The following NDUFA12 variants were observed in gnomAD, a reference collection of about 807,000 sequenced individuals.
NDUFA12 encodes NADH dehydrogenase [ubiquinone] 1 alpha subcomplex subunit 12.
NDUFA12 carries 17 observed loss-of-function variants against 20.3 expected under a neutral mutation model. The observed-to-expected ratio is 0.84, with a 90% confidence interval of 0.57 to 1.26. The LOEUF (loss-of-function observed/expected upper bound fraction) is 1.26. Among genes scored for constraint, NDUFA12 ranks in the 50% most tolerant of loss-of-function variants. NDUFA12 has a pLI of 0.00. For missense variants in NDUFA12, 191 were observed against 183.7 expected, an observed-to-expected ratio of 1.04 and a Z score of -0.23; for synonymous variants, 72 against 63.6, an observed-to-expected ratio of 1.13 and a Z score of -0.63.
chr12:94,998,355 C>T (rs1200383413), intron 2 of NDUFA12, among the ~76,000 whole-genome samples: 1 of 152,130 alleles, frequency 6.6e-6, no homozygotes, highest in Non-Finnish European at 1.5e-5. Context: ...CCATATATGA[C>T]AAACCCACAG....
intron 3 of NDUFA12, among the ~76,000 whole-genome samples, chr12:94,980,040 C>T (rs964989465): frequency 1.3e-5 from 2 of 152,146 alleles, no homozygotes; most frequent in Non-Finnish European, 2.9e-5. Context: ...TCTTCCTCAA[C>T]CTCTTGGCAA....
intron 3 of NDUFA12, 107 bp from the exon 4 acceptor site, chr12:94,971,727 C>A: frequency 8.2e-7 from 1 of 1,223,238 alleles, no homozygotes. Context: ...GGGTTCAAGC[C>A]TCAACTCCAT....
At chr12:94,983,797 T>C (rs984912167) in intron 3 of NDUFA12, among the ~76,000 whole-genome samples, 5 of 152,104 alleles carry the variant, frequency 3.3e-5, no homozygotes, top group Non-Finnish European at 7.4e-5. Context: ...GCTTCCACAC[T>C]TGCCTTGCCT....
chr12:94,997,459 G>A (rs371993133), intron 2 of NDUFA12: 159 of 152,180 alleles, frequency 1.0e-3, no homozygotes, highest in African/African-American at 3.8e-3. Flanking sequence ...ATTTTTTCAC[G>A]TTATACATTG....
rs1329143390 is a variant in NDUFA12 at position 94,978,752 on chromosome 12, T to A, written c.258-7132A>T. 7.9e-5 allele frequency among the ~76,000 whole-genome samples: 12 copies of A among 152,204 alleles called. 1 individual carries two copies. The highest frequency in any genetic ancestry group is 7.9e-4 in the Admixed American group (12 of 15,280). ...GTAATTCAATTTACTAATCTTTTTA[T>A]CCTATTTATAAATTGAACCTCAAGA... On this transcript the variant is annotated intron_variant, in intron 3 of 3. Transcript: ENST00000327772.
intron 2 of NDUFA12, among the ~76,000 whole-genome samples, chr12:94,995,467 C>T (rs763246779): frequency 5.3e-5 from 8 of 152,182 alleles, no homozygotes; most frequent in African/African-American, 9.7e-5. Flanking sequence ...GTCTGTCTCT[C>T]TCTCTGTATT....
intron 3 of NDUFA12, among the ~76,000 whole-genome samples, chr12:94,980,076 G>A (rs2136061296): frequency 6.6e-6 from 1 of 152,182 alleles, no homozygotes; most frequent in South Asian, 2.1e-4. Context: ...GGCTTCCCTG[G>A]CTGAAATACT....
In NDUFA12 at chr12:95,003,645, C is replaced by T. The variant is rs748273580; in HGVS notation, c.36G>A (p.Gln12=). The T allele has an allele frequency of 1.9e-6, 3 of 1,614,206 alleles. No individual in the cohort carries two copies. The South Asian group carries it at 3.3e-5, about 18-fold the overall frequency. Residue 12 remains glutamine (Q), a synonymous_variant, in exon 1 of 4, where the codon CAG becomes CAA. Coordinates refer to ENST00000327772, the MANE Select transcript of NDUFA12 (RefSeq NM_018838.5). ...GGAGACCGCCGTGGCCGGTGATCTG[C>T]TGCAGCCCGCGTTTCAGGACCTGCA... ...ELVQVLKRGL[Q]QITGHGGLRG...
rs1225960457 is a variant in NDUFA12 at position 94,996,013 on chromosome 12, T to A, written c.170-1756A>T. On this transcript the variant is annotated intron_variant, in intron 2 of 3. Coordinates refer to ENST00000327772, the MANE Select transcript of NDUFA12 (RefSeq NM_018838.5). ...ACTTGAGCTCAGGAGTTCGAGACCA[T>A]CCTGGGCAACATAGTGAAACCTTGT... 2.0e-5 allele frequency among the ~76,000 whole-genome samples: 3 copies of A among 151,196 alleles called. 1 individual carries two copies. The highest frequency in any genetic ancestry group is 7.3e-5 in the African/African-American group (3 of 41,224).
intron 3 of NDUFA12, among the ~76,000 whole-genome samples, chr12:94,991,649 C>G (rs1278759950): frequency 6.7e-6 from 1 of 149,042 alleles, no homozygotes; most frequent in Non-Finnish European, 1.5e-5. Flanking sequence ...ATTGCTTGAA[C>G]CTGGGAGGCG....
At chr12:94,974,176 T>G (rs1873986241) in intron 3 of NDUFA12, among the ~76,000 whole-genome samples, 1 of 152,052 alleles carries the variant, frequency 6.6e-6, no homozygotes, top group Non-Finnish European at 1.5e-5. Context: ...TTCACCATGT[T>G]GTCCAGGCTG....
intron 3 of NDUFA12, among the ~76,000 whole-genome samples, chr12:94,984,412 T>C (rs1183608320): frequency 6.6e-6 from 1 of 151,796 alleles, no homozygotes; most frequent in East Asian, 1.9e-4. Flanking sequence ...CACCTGAGGT[T>C]GGGAGTTCAA....
chr12:95,003,475 C>A (rs906487788), intron 1 of NDUFA12, 120 bp downstream of exon 1: 2 of 1,047,632 alleles, frequency 1.9e-6, no homozygotes, highest in Non-Finnish European at 3.0e-6. Context: ...GAGATTGGGG[C>A]GGTTGTCCTT....
intron 3 of NDUFA12, among the ~76,000 whole-genome samples, chr12:94,985,002 C>CATAACATAACATAAAATAACATAAG (rs140889669): frequency 7.4e-5 from 10 of 134,888 alleles, no homozygotes; most frequent in Admixed American, 2.3e-4. Context: ...CATAACATAA[C>CATAACATAACATAAAATAACATAAG]ATAAAATAAG....
intron 3 of NDUFA12, among the ~76,000 whole-genome samples, chr12:94,988,469 T>C (rs1874527487): frequency 6.6e-6 from 1 of 152,210 alleles, no homozygotes; most frequent in African/African-American, 2.4e-5. Context: ...GATCACACCC[T>C]ATCTTACCTT....
At chr12:94,974,544 C>T (rs987845201) in intron 3 of NDUFA12, among the ~76,000 whole-genome samples, 2 of 152,122 alleles carry the variant, frequency 1.3e-5, no homozygotes, top group East Asian at 1.9e-4. Flanking sequence ...TTTTGCACTC[C>T]GATGTTTGTT....
intron 3 of NDUFA12, among the ~76,000 whole-genome samples, chr12:94,990,125 C>T (rs1020355423): frequency 1.3e-5 from 2 of 152,096 alleles, no homozygotes; most frequent in Non-Finnish European, 2.9e-5. Context: ...TCAATGCATG[C>T]TGGGCTTAAT....
intron 2 of NDUFA12, among the ~76,000 whole-genome samples, chr12:94,999,380 T>A (rs955523511): frequency 6.6e-6 from 1 of 152,118 alleles, no homozygotes; most frequent in Non-Finnish European, 1.5e-5. Flanking sequence ...ACATAAAAAT[T>A]CTAGAACATC....
chr12:94,973,259 A>G (rs1367297466), intron 3 of NDUFA12, among the ~76,000 whole-genome samples: 1 of 152,242 alleles, frequency 6.6e-6, no homozygotes, highest in Non-Finnish European at 1.5e-5. Context: ...TTGTATCATG[A>G]TCAGCTTATA....
Sources: gnomAD v4.1 joint callset for allele counts (sites outside exome capture counted in the v4.1 genomes callset) on GRCh38, gnomAD v4.1.1 for gene constraint, MANE v1.5 for transcripts, NCBI Gene and HGNC (gene_info 2026-07-23, HGNC 2026-07-21) for gene names.